Variants in TNS3 observed in about 807,000 individuals in gnomAD.
The protein encoded by TNS3 is tensin-3.
TNS3 carries 45 observed loss-of-function variants against 140.9 expected under a neutral mutation model. The observed-to-expected ratio is 0.32, with a 90% confidence interval of 0.25 to 0.41. The LOEUF (loss-of-function observed/expected upper bound fraction) is 0.41, where lower values mean the gene tolerates loss of function less well. Ranked by LOEUF, TNS3 falls within the 10% of genes least tolerant of loss-of-function variation. The pLI is 1.00. For missense variants in TNS3, 1,716 were observed against 1,906.7 expected, an observed-to-expected ratio of 0.90 and a Z score of 1.86; for synonymous variants, 815 against 788.4, an observed-to-expected ratio of 1.03 and a Z score of -0.56.
chr7:47,431,126 A>G (rs1393288467), intron 8 of TNS3, among the ~76,000 whole-genome samples: 2 of 152,220 alleles, frequency 1.3e-5, no homozygotes, highest in Non-Finnish European at 2.9e-5. Flanking sequence ...ATACTCCTAA[A>G]TAACTACTGG....
At chr7:47,335,661 G>A (rs1788592883) in intron 20 of TNS3, among the ~76,000 whole-genome samples, 1 of 152,150 alleles carries the variant, frequency 6.6e-6, no homozygotes, top group South Asian at 2.1e-4. Flanking sequence ...CCCCAGCTCA[G>A]GGAACCGCCC....
chr7:47,524,445 G>A (rs1220589017), intron 2 of TNS3, among the ~76,000 whole-genome samples: 1 of 152,190 alleles, frequency 6.6e-6, no homozygotes, highest in Non-Finnish European at 1.5e-5. Context: ...CACAGCAGGA[G>A]CAGGTGCCTG....
intron 20 of TNS3, among the ~76,000 whole-genome samples, chr7:47,335,976 G>A (rs1584425756): frequency 6.6e-6 from 1 of 152,146 alleles, no homozygotes; most frequent in Non-Finnish European, 1.5e-5. Flanking sequence ...GTCCTTTTAG[G>A]CCTCCCTATC....
intron 4 of TNS3, among the ~76,000 whole-genome samples, chr7:47,472,490 G>A (rs951175178): frequency 6.6e-6 from 1 of 152,190 alleles, no homozygotes; most frequent in African/African-American, 2.4e-5. Flanking sequence ...AAAGGCACGT[G>A]CACAGGGATA....
chr7:47,328,837 C>A (rs950743314), intron 20 of TNS3, among the ~76,000 whole-genome samples: 2 of 152,214 alleles, frequency 1.3e-5, no homozygotes, highest in Admixed American at 6.5e-5. Flanking sequence ...CCTGCCCAAA[C>A]CCTGTCCTAG....
intron 17 of TNS3, among the ~76,000 whole-genome samples, chr7:47,355,192 C>T (rs925918095): frequency 6.6e-6 from 1 of 152,212 alleles, no homozygotes; most frequent in Non-Finnish European, 1.5e-5. Flanking sequence ...CCACGCCCAG[C>T]GGGATCTGGG....
intron 20 of TNS3, 22 bp downstream of exon 20, chr7:47,344,729 CTGTG>C: frequency 6.2e-7 from 1 of 1,603,664 alleles, no homozygotes; most frequent in African/African-American, 1.3e-5. Context: ...TGCCGCGCGC[CTGTG>C]ACCCGCGGGT....
chr7:47,473,899 C>T (rs1485948745), intron 4 of TNS3, among the ~76,000 whole-genome samples: 1 of 152,154 alleles, frequency 6.6e-6, no homozygotes, highest in Non-Finnish European at 1.5e-5. Context: ...TCTGAAGCTC[C>T]TCATCATCCA....
intron 1 of TNS3, among the ~76,000 whole-genome samples, chr7:47,570,002 T>C (rs1800518003): frequency 6.6e-6 from 1 of 151,412 alleles, no homozygotes; most frequent in Non-Finnish European, 1.5e-5. Flanking sequence ...TATAAAAAAT[T>C]AGCCAGGCGT....
At chr7:47,461,145 C>T (rs565428162) in intron 4 of TNS3, among the ~76,000 whole-genome samples, 17 of 152,118 alleles carry the variant, frequency 1.1e-4, no homozygotes, top group Non-Finnish European at 2.4e-4. Flanking sequence ...CAGGTGTAAA[C>T]ATAAGACAGT....
intron 1 of TNS3, among the ~76,000 whole-genome samples, chr7:47,530,823 C>CAAAAAAAAAAAAA (rs781707373): frequency 1.1e-4 from 5 of 45,006 alleles, no homozygotes; most frequent in African/African-American, 2.4e-4. Context: ...AACTCCATCT[C>CAAAAAAAAAAAAA]AAAAAAAAAA....
intron 3 of TNS3, among the ~76,000 whole-genome samples, chr7:47,491,333 A>T (rs1797807675): frequency 6.6e-6 from 1 of 152,178 alleles, no homozygotes; most frequent in African/African-American, 2.4e-5. Flanking sequence ...GCATCCAGAG[A>T]CTGAAATTAG....
intron 4 of TNS3, among the ~76,000 whole-genome samples, chr7:47,459,483 AAAACGGCACCTCC>A (rs1264541703): frequency 6.6e-6 from 1 of 152,194 alleles, no homozygotes; most frequent in Non-Finnish European, 1.5e-5. Flanking sequence ...AGCAGAGGAG[AAAACGGCACCTCC>A]AAACCTCTCT....
intron 10 of TNS3, among the ~76,000 whole-genome samples, chr7:47,420,688 T>G (rs1283163269): frequency 6.6e-6 from 1 of 152,220 alleles, no homozygotes; most frequent in East Asian, 1.9e-4. Context: ...ATGTGCCCGC[T>G]TGGGTCTCTT....
intron 10 of TNS3, among the ~76,000 whole-genome samples, chr7:47,421,275 G>A (rs941433137): frequency 2.6e-5 from 4 of 152,010 alleles, no homozygotes; most frequent in African/African-American, 9.7e-5. Context: ...GGATTTTTGG[G>A]GCGTTAGGAG....
chr7:47,340,842 G>A (rs1381554696), intron 20 of TNS3, among the ~76,000 whole-genome samples: 2 of 152,192 alleles, frequency 1.3e-5, no homozygotes, highest in East Asian at 3.9e-4. Context: ...AGAACTTCCA[G>A]AACTATGTTG....
chr7:47,457,108 A>AAAGGG (rs1796277795), intron 4 of TNS3, among the ~76,000 whole-genome samples: 1 of 29,816 alleles, frequency 3.4e-5, no homozygotes, highest in African/African-American at 9.0e-5. Context: ...TGTGCTGGTA[A>AAAGGG]AGGGGAGGGG....
intron 2 of TNS3, among the ~76,000 whole-genome samples, chr7:47,526,957 G>T (rs188933551): frequency 5.5e-4 from 84 of 152,316 alleles, no homozygotes; most frequent in Non-Finnish European, 7.2e-4. Flanking sequence ...TTCTGGCCGG[G>T]CGTGGTGGCT....
intron 20 of TNS3, among the ~76,000 whole-genome samples, chr7:47,323,323 C>T (rs1313243176): frequency 2.6e-5 from 4 of 152,124 alleles, no homozygotes; most frequent in South Asian, 2.1e-4. Context: ...CACATGCTTC[C>T]GGTACTGAAA....
Sources: gnomAD v4.1 joint callset for allele counts (sites outside exome capture counted in the v4.1 genomes callset) on GRCh38, gnomAD v4.1.1 for gene constraint, MANE v1.5 for transcripts, NCBI Gene and HGNC (gene_info 2026-07-23, HGNC 2026-07-21) for gene names.